Variants in IKBKG observed in about 807,000 individuals in gnomAD.
IKBKG encodes the protein inhibitor of nuclear factor kappa B kinase regulatory subunit gamma, also known as NF-kappa-B essential modulator.
In IKBKG, 2 loss-of-function variants were observed where a neutral mutation model predicts 13.7. The ratio of observed to expected loss-of-function variants is 0.15; its 90% CI spans 0.06 to 0.46. IKBKG has a LOEUF of 0.46. Ranked by LOEUF, IKBKG falls within the 20% of genes least tolerant of loss-of-function variation. The probability of loss-of-function intolerance (pLI) is 0.98; values close to 1 mark genes in which losing one functional copy is unlikely to be tolerated. For missense variants in IKBKG, 53 were observed against 150.3 expected (o/e 0.35, Z 3.39); for synonymous variants, 22 against 64.4 (o/e 0.34, Z 3.15).
chrX:154,547,687 A>G lies in IKBKG; in HGVS notation c.-74A>G, dbSNP rs2070788942. The G allele has an allele frequency of 2.7e-6, 2 of 753,742 alleles. No individual in the cohort carries two copies. Among genetic ancestry groups the G allele is most frequent in the Non-Finnish European group, 3.1e-6 (2 of 639,189 alleles). The allele number at this position is 753,742 out of a possible 1,213,427, so 62.1% of individuals were successfully genotyped here. On this transcript the variant is annotated 5_prime_UTR_variant, in exon 1 of 10. Transcript: ENST00000594239. ...GACTTTCTCGGAGCGCCGGGGCCCT[A>G]CCAGCGTTCACAGTCCGCCGCTCCC...
intron 2 of IKBKG, among the ~76,000 whole-genome samples, chrX:154,554,735 G>A (rs1230994701): frequency 2.7e-5 from 3 of 111,309 alleles, no homozygotes; most frequent in African/African-American, 9.8e-5. Context: ...CAGCCTGGGC[G>A]ACAGAGCGAG....
Position 154,552,077 on chromosome X carries a change from C to T in IKBKG, c.75C>T (p.Asp25=), listed in dbSNP as rs782355825. 24 of 1,187,456 alleles carry T rather than the reference C, an allele frequency of 2.0e-5. No homozygotes were observed. The highest frequency in any genetic ancestry group is 3.5e-5 in the African/African-American group (2 of 56,680). Residue 25 remains aspartate, a synonymous_variant, in exon 2 of 10, where the codon GAC becomes GAT. Coordinates refer to ENST00000594239, the MANE Select transcript of IKBKG (RefSeq NM_001099857.5). ...GTGGTGGCCCGGCAGCAGATCAGGACGTACTGGGCGAAGAGTCTCCTCTGG... is the reference window on the plus strand; with the variant it reads ...GTGGTGGCCCGGCAGCAGATCAGGATGTACTGGGCGAAGAGTCTCCTCTGG... ...QPSGGPAADQ[D]VLGEESPLGK... is the part of the protein sequence containing the mutation.
chrX:154,542,080 C>T (rs1440143415), intron 1 of IKBKG, among the ~76,000 whole-genome samples: 3 of 112,400 alleles, frequency 2.7e-5, no homozygotes, highest in East Asian at 2.8e-4. Context: ...CTGCTATACC[C>T]GGGGGCTCAT....
At chrX:154,554,874 C>T (rs931696841) in intron 2 of IKBKG, among the ~76,000 whole-genome samples, 2 of 111,756 alleles carry the variant, frequency 1.8e-5, no homozygotes, top group African/African-American at 3.3e-5. Context: ...GTTTTGATCA[C>T]GGGGTAGCTA....
At chrX:154,542,563 G>T, upstream of IKBKG, 1 of 958,026 alleles carries the variant, frequency 1.0e-6, no homozygotes, top group Non-Finnish European at 1.4e-6. Flanking sequence ...GAAGCTGGGT[G>T]TGTGGGCAAG....
At chrX:154,545,985 A>T (rs782573308), upstream of IKBKG, 3 of 1,203,668 alleles carry the variant, frequency 2.5e-6, no homozygotes, top group East Asian at 8.9e-5. Flanking sequence ...AAGCTGAGGC[A>T]TGGAGCAGGC....
At chrX:154,547,968 AC>A in intron 1 of IKBKG, 19 of 754,285 alleles carry the variant, frequency 2.5e-5, no homozygotes, top group Non-Finnish European at 2.8e-5. Context: ...GCGGGGTCTG[AC>A]CCTACTCCTT....
intron 2 of IKBKG, among the ~76,000 whole-genome samples, chrX:154,553,066 G>A (rs2070978344): frequency 8.9e-6 from 1 of 112,611 alleles, no homozygotes; most frequent in African/African-American, 3.2e-5. Flanking sequence ...GGGCGGCATA[G>A]ACTCCCCACA....
chrX:154,549,105 C>T (rs782104972), intron 1 of IKBKG, among the ~76,000 whole-genome samples: 87 of 108,011 alleles, frequency 8.1e-4, no homozygotes, highest in African/African-American at 2.9e-3. Flanking sequence ...GATTCTTCTG[C>T]CTCAGCCGCT....
At chrX:154,546,972 C>T (rs1603415774), upstream of IKBKG, 2 of 306,410 alleles carry the variant, frequency 6.5e-6, no homozygotes, top group East Asian at 7.1e-5. Flanking sequence ...GCGGGCGGGG[C>T]GGGGCGAGGG....
At chrX:154,546,020 C>T (rs782061116), upstream of IKBKG, 2 of 1,209,208 alleles carry the variant, frequency 1.7e-6, no homozygotes, top group Non-Finnish European at 2.2e-6. Context: ...AAGATTGGGG[C>T]CTGGGAGATA....
intron 2 of IKBKG, among the ~76,000 whole-genome samples, chrX:154,554,182 C>T (rs1023646789): frequency 8.9e-6 from 1 of 112,513 alleles, no homozygotes; most frequent in African/African-American, 3.2e-5. Flanking sequence ...ATGGAGGAGG[C>T]TGTACTTAGA....
chrX:154,543,844 C>T (rs183986135), upstream of IKBKG, among the ~76,000 whole-genome samples: 1 of 108,435 alleles, frequency 9.2e-6, no homozygotes, highest in Non-Finnish European at 1.9e-5. Flanking sequence ...CAGATGGGTG[C>T]CACTACACCT....
chrX:154,550,127 C>T (rs1365196881), intron 1 of IKBKG, among the ~76,000 whole-genome samples: 2 of 110,122 alleles, frequency 1.8e-5, no homozygotes, highest in Admixed American at 2.0e-4. Flanking sequence ...GAAAAACAAC[C>T]ACAATATCAT....
intron 2 of IKBKG, among the ~76,000 whole-genome samples, chrX:154,553,316 T>C (rs1046577185): frequency 2.8e-4 from 32 of 112,660 alleles, no homozygotes; most frequent in African/African-American, 9.0e-4. Flanking sequence ...TCCCCCGCCT[T>C]CTTTGCTGGA....
upstream of IKBKG, among the ~76,000 whole-genome samples, chrX:154,545,007 T>G (rs781888942): frequency 1.8e-4 from 20 of 111,672 alleles, no homozygotes; most frequent in Non-Finnish European, 2.3e-4. Context: ...GATTCTTGAG[T>G]GCATCCAGGG....
upstream of IKBKG, chrX:154,547,261 C>G (rs1293884195): frequency 1.4e-6 from 1 of 693,436 alleles, no homozygotes; most frequent in Non-Finnish European, 1.7e-6. Context: ...CCCTCGGCTC[C>G]TGGGCGGGGC....
upstream of IKBKG, among the ~76,000 whole-genome samples, chrX:154,544,453 C>T (rs1234919302): frequency 8.9e-6 from 1 of 112,590 alleles, no homozygotes; most frequent in Non-Finnish European, 1.9e-5. Context: ...AGCCACTGCG[C>T]CCAGCCAATT....
chrX:154,547,944 C>T (rs891126471), intron 1 of IKBKG, 199 bp downstream of exon 1: 2 of 754,752 alleles, frequency 2.6e-6, no homozygotes, highest in African/African-American at 2.3e-5. Context: ...TCTACTCCTC[C>T]CTCCTCCTCC....
Sources: gnomAD v4.1 joint callset for allele counts (sites outside exome capture counted in the v4.1 genomes callset) on GRCh38, gnomAD v4.1.1 for gene constraint, MANE v1.5 for transcripts, NCBI Gene and HGNC (gene_info 2026-07-23, HGNC 2026-07-21) for gene names.